The following TMEM132C variants were observed in gnomAD, a reference collection of about 807,000 sequenced individuals.
TMEM132C encodes protein phosphatase 1, regulatory subunit 152.
Under a neutral mutation model 61.4 loss-of-function variants are expected in TMEM132C, and 29 were observed. The ratio of observed to expected loss-of-function variants is 0.47; its 90% CI spans 0.35 to 0.64. The LOEUF is 0.64. TMEM132C is among the 30% of genes least tolerant of loss of function. TMEM132C has a pLI of 0.00. For synonymous variants in TMEM132C, 656 were observed against 633.1 expected (o/e 1.04, Z -0.54); for missense variants, 1,408 against 1,476.9 (o/e 0.95, Z 0.76).
rs779738850 is a variant in TMEM132C, at chr12:128,301,900, A to T, written c.85+34413A>T. Among the ~76,000 whole-genome samples the T allele has an allele frequency of 7.2e-5, 11 of 152,218 alleles. 1 individual carries two copies. The highest frequency in any genetic ancestry group is 1.3e-4 in the Non-Finnish European group (9 of 68,046). On this transcript the variant is annotated intron_variant, in intron 1 of 8. Transcript: ENST00000435159. The stretch of plus-strand genomic sequence containing the variant: ...GCGGAAGGCAAAAGGCACATCTTAC[A>T]TGGTGGCAGATGAGAGAAATGAGAG...
Position 128,468,644 on chromosome 12 carries a change from A to ACAAT in TMEM132C, c.974+53027_974+53028insTCAA, listed in dbSNP as rs369978646. Among the ~76,000 whole-genome samples the ACAAT allele has an allele frequency of 3.6e-3, 555 of 152,328 alleles. 1 individual carries two copies. The highest frequency in any genetic ancestry group is 0.013 in the African/African-American group (539 of 41,570). On this transcript the variant is annotated intron_variant, in intron 2 of 8. Coordinates refer to ENST00000435159, the MANE Select transcript of TMEM132C (RefSeq NM_001136103.3). ...AAATTTACTCTAAACAAACAAACAAACAAACAAAAAATCTCTGACTGCCAA... is the reference window on the plus strand; with the variant it reads ...AAATTTACTCTAAACAAACAAACAAACAATCAAACAAAAAATCTCTGACTGCCAA...
At chr12:128,363,465 C>G (rs567013180) in intron 1 of TMEM132C, among the ~76,000 whole-genome samples, 1 of 152,198 alleles carries the variant, frequency 6.6e-6, no homozygotes, top group South Asian at 2.1e-4. Flanking sequence ...AGGCTTTGAC[C>G]CAATCACAGT....
chr12:128,599,178 G>A (rs1209676535), intron 3 of TMEM132C, among the ~76,000 whole-genome samples: 3 of 152,084 alleles, frequency 2.0e-5, no homozygotes, highest in Admixed American at 6.5e-5. Context: ...TCACCCCTGG[G>A]GTCATCACCC....
At chr12:128,369,834 C>T (rs186917277) in intron 1 of TMEM132C, among the ~76,000 whole-genome samples, 7 of 152,268 alleles carry the variant, frequency 4.6e-5, no homozygotes, top group East Asian at 1.9e-4. Flanking sequence ...GTTGTGCACA[C>T]GTTTTGGTTC....
At chr12:128,646,117 G>C (rs1370967969) in intron 4 of TMEM132C, among the ~76,000 whole-genome samples, 2 of 151,322 alleles carry the variant, frequency 1.3e-5, no homozygotes, top group Non-Finnish European at 2.9e-5. Context: ...ATGTGAGTGT[G>C]TTTAGCTCAG....
chr12:128,312,525 G>T (rs1872006874), intron 1 of TMEM132C, among the ~76,000 whole-genome samples: 1 of 152,146 alleles, frequency 6.6e-6, no homozygotes, highest in South Asian at 2.1e-4. Context: ...AGGCTGACTG[G>T]TGTCTTTTAC....
intron 1 of TMEM132C, among the ~76,000 whole-genome samples, chr12:128,344,600 A>C (rs925220519): frequency 6.6e-6 from 1 of 152,186 alleles, no homozygotes; most frequent in Admixed American, 6.5e-5. Context: ...AATGAAAGAG[A>C]TGTCCAATTT....
At chr12:128,578,286 G>A (rs990526032) in intron 3 of TMEM132C, among the ~76,000 whole-genome samples, 7 of 152,204 alleles carry the variant, frequency 4.6e-5, no homozygotes, top group African/African-American at 1.7e-4. Context: ...ATGCCTGGAA[G>A]CGAGGCAGGC....
At chr12:128,546,223 A>T (rs1873945242) in intron 3 of TMEM132C, among the ~76,000 whole-genome samples, 1 of 152,200 alleles carries the variant, frequency 6.6e-6, no homozygotes, top group Admixed American at 6.5e-5. Context: ...ATGGCCAGAA[A>T]GAAATGTGTT....
intron 3 of TMEM132C, among the ~76,000 whole-genome samples, chr12:128,544,480 G>C (rs1188036969): frequency 5.3e-5 from 8 of 152,372 alleles, no homozygotes; most frequent in Admixed American, 5.2e-4. Flanking sequence ...TTTTCAGTGA[G>C]AAGGAATTTA....
chr12:128,305,494 G>A (rs545791822), intron 1 of TMEM132C, among the ~76,000 whole-genome samples: 2 of 150,796 alleles, frequency 1.3e-5, no homozygotes, highest in East Asian at 1.9e-4. Flanking sequence ...TTAAGTTTCC[G>A]CCGAACTTTA....
At chr12:128,520,821 A>T (rs1218016177) in intron 2 of TMEM132C, among the ~76,000 whole-genome samples, 1 of 151,700 alleles carries the variant, frequency 6.6e-6, no homozygotes, top group Non-Finnish European at 1.5e-5. Context: ...AGGGTGGGAG[A>T]GTTTATTAGA....
At chr12:128,512,173 CAAAG>C (rs1381075357) in intron 2 of TMEM132C, among the ~76,000 whole-genome samples, 7 of 151,852 alleles carry the variant, frequency 4.6e-5, no homozygotes, top group Non-Finnish European at 1.0e-4. Flanking sequence ...AAAAGATAGA[CAAAG>C]AGACGCCTTG....
chr12:128,391,147 C>T (rs1874751940), intron 1 of TMEM132C, among the ~76,000 whole-genome samples: 1 of 152,214 alleles, frequency 6.6e-6, no homozygotes, highest in African/African-American at 2.4e-5. Context: ...ACCCTCCCTC[C>T]AAGTGGTGGC....
intron 4 of TMEM132C, among the ~76,000 whole-genome samples, chr12:128,616,775 C>G (rs1168748279): frequency 1.3e-5 from 2 of 152,142 alleles, no homozygotes; most frequent in African/African-American, 4.8e-5. Context: ...CAGAGGCTGT[C>G]ACTGGGCTGT....
intron 1 of TMEM132C, among the ~76,000 whole-genome samples, chr12:128,276,990 A>G (rs1870715832): frequency 2.0e-5 from 3 of 152,154 alleles, no homozygotes; most frequent in Non-Finnish European, 2.9e-5. Context: ...AAACAAACAA[A>G]AAAGAAAAAG....
intron 1 of TMEM132C, among the ~76,000 whole-genome samples, chr12:128,408,220 C>T (rs1868382845): frequency 6.6e-6 from 1 of 152,218 alleles, no homozygotes; most frequent in Non-Finnish European, 1.5e-5. Context: ...CACAAGCCCA[C>T]TCCATCTGTA....
chr12:128,349,177 T>C (rs2135961057), intron 1 of TMEM132C, among the ~76,000 whole-genome samples: 1 of 152,314 alleles, frequency 6.6e-6, no homozygotes, highest in South Asian at 2.1e-4. Flanking sequence ...CTGATTTTTG[T>C]ATTTTTGGTA....
rs1190135379 is a variant in TMEM132C, at chr12:128,695,989, G to A, written c.1815G>A (p.Gln605=). 2 of 1,551,826 alleles carry A rather than the reference G, an allele frequency of 1.3e-6. No homozygotes were observed. Among genetic ancestry groups the A allele is most frequent in the East Asian group, 2.4e-5 (1 of 40,924 alleles). The change falls in exon 7 of 9, where the codon CAG becomes CAA. Residue 605 remains glutamine (Q), a synonymous_variant. Coordinates refer to ENST00000435159, the MANE Select transcript of TMEM132C (RefSeq NM_001136103.3). ...QPNYLLSPNW[Q]FDITHLVADF... is the part of the protein sequence containing the mutation. ...ACTACCTGCTTAGTCCTAACTGGCA[G>A]TTCGACATCACTCACCTGGTGGCAG... is the stretch of plus-strand genomic sequence containing the variant.
Sources: gnomAD v4.1 joint callset for allele counts (sites outside exome capture counted in the v4.1 genomes callset) on GRCh38, gnomAD v4.1.1 for gene constraint, MANE v1.5 for transcripts, NCBI Gene and HGNC (gene_info 2026-07-23, HGNC 2026-07-21) for gene names.